Variants in PAK3 observed in about 807,000 individuals in gnomAD.
The protein encoded by PAK3 is serine/threonine-protein kinase PAK 3.
PAK3 carries 4 observed loss-of-function variants against 41.0 expected under a neutral mutation model. The observed-to-expected ratio is 0.10, with a 90% CI of 0.05 to 0.22. The LOEUF (loss-of-function observed/expected upper bound fraction) is 0.22. PAK3 is among the 10% of genes least tolerant of loss of function. The pLI is 1.00. For synonymous variants in PAK3, 146 were observed against 139.6 expected, an observed-to-expected ratio of 1.05 and a Z score of -0.32; for missense variants, 205 against 409.9, an observed-to-expected ratio of 0.50 and a Z score of 4.32.
intron 5 of PAK3, among the ~76,000 whole-genome samples, chrX:111,127,621 C>T (rs923017348): frequency 7.2e-5 from 8 of 110,864 alleles, no homozygotes; most frequent in Admixed American, 1.9e-4. Context: ...GACATCCTAA[C>T]CATATGGGTT....
chrX:110,977,865 C>T (rs1336410301), intron 1 of PAK3, among the ~76,000 whole-genome samples: 1 of 112,020 alleles, frequency 8.9e-6, no homozygotes, highest in African/African-American at 3.2e-5. Flanking sequence ...TAAATTCTTT[C>T]TTTCCAATCA....
intron 4 of PAK3, among the ~76,000 whole-genome samples, chrX:111,106,991 G>A (rs771577118): frequency 8.9e-6 from 1 of 112,167 alleles, no homozygotes; most frequent in African/African-American, 3.2e-5. Flanking sequence ...AGCCAGTCCT[G>A]TCCAACACAG....
chrX:111,129,433 G>A (rs954426624), intron 5 of PAK3, among the ~76,000 whole-genome samples: 2 of 111,374 alleles, frequency 1.8e-5, no homozygotes, highest in African/African-American at 6.5e-5. Context: ...TCACTGCCCT[G>A]CCCTTTTGGA....
At chrX:111,138,465 G>A (rs935907899) in intron 5 of PAK3, among the ~76,000 whole-genome samples, 1 of 111,601 alleles carries the variant, frequency 9.0e-6, no homozygotes, top group Admixed American at 9.5e-5. Flanking sequence ...ACACTGAGTA[G>A]TTCTATGGGA....
chrX:110,982,820 A>G (rs1360054070), intron 1 of PAK3, among the ~76,000 whole-genome samples: 4 of 111,022 alleles, frequency 3.6e-5, no homozygotes, highest in Non-Finnish European at 7.5e-5. Flanking sequence ...CCAAAGACTC[A>G]TCTAGATCAT....
chrX:111,029,844 C>T (rs1026950139), intron 1 of PAK3, among the ~76,000 whole-genome samples: 3 of 112,005 alleles, frequency 2.7e-5, no homozygotes, highest in Non-Finnish European at 3.8e-5. Flanking sequence ...CAACAAGGAT[C>T]ACTTTTTACT....
intron 1 of PAK3, among the ~76,000 whole-genome samples, chrX:111,017,960 A>T (rs2092115930): frequency 8.9e-6 from 1 of 111,971 alleles, no homozygotes; most frequent in Admixed American, 9.5e-5. Flanking sequence ...TATACACCAC[A>T]TTAACAGCAT....
intron 1 of PAK3, among the ~76,000 whole-genome samples, chrX:111,026,700 G>C (rs1228891795): frequency 1.8e-5 from 2 of 111,883 alleles, no homozygotes; most frequent in African/African-American, 6.5e-5. Flanking sequence ...CTCATGGATA[G>C]GTAGAGTCAG....
intron 8 of PAK3, among the ~76,000 whole-genome samples, chrX:111,155,576 A>G (rs1375318695): frequency 9.0e-6 from 1 of 110,589 alleles, no homozygotes; most frequent in Non-Finnish European, 1.9e-5. Flanking sequence ...GAGATTTCAG[A>G]GAAAGTAGAT....
At chrX:111,015,262 T>C (rs971710213) in intron 1 of PAK3, among the ~76,000 whole-genome samples, 1 of 110,924 alleles carries the variant, frequency 9.0e-6, no homozygotes, top group Middle Eastern at 4.8e-3. Flanking sequence ...ATCCATGTTG[T>C]AGCATGTGAC....
chrX:111,158,388 G>T (rs1428863648), intron 8 of PAK3, among the ~76,000 whole-genome samples: 2 of 112,033 alleles, frequency 1.8e-5, no homozygotes, highest in African/African-American at 3.2e-5. Context: ...GAACATTAAA[G>T]TATGTCTGTC....
rs768688720 is a variant in PAK3 at position 111,142,157 on chromosome X, G to A, written c.237G>A (p.Thr79=). Residue 79 remains threonine, a synonymous_variant, in exon 6 of 18, where the codon ACG becomes ACA. Transcript: ENST00000372007. Reference sequence around the variant, plus strand: ...CTCTTCCTTCAGACTTTGAGCATACGATTCATGTGGGGTTTGATGCAGTCA... The same window carrying A: ...CTCTTCCTTCAGACTTTGAGCATACAATTCATGTGGGGTTTGATGCAGTCA... ...EISLPSDFEH[T]IHVGFDAVTG... 5 of 1,185,836 alleles carry A rather than the reference G, an allele frequency of 4.2e-6. No individual in the cohort carries two copies. The highest frequency in any genetic ancestry group is 2.2e-5 in the Admixed American group (1 of 46,001).
intron 5 of PAK3, among the ~76,000 whole-genome samples, chrX:111,126,806 T>G (rs776653893): frequency 8.9e-6 from 1 of 111,814 alleles, no homozygotes; most frequent in Admixed American, 9.5e-5. Context: ...TTTTACTTTT[T>G]AAAGTAACTT....
intron 1 of PAK3, among the ~76,000 whole-genome samples, chrX:111,088,427 C>T (rs970673363): frequency 8.9e-6 from 1 of 111,781 alleles, no homozygotes; most frequent in Non-Finnish European, 1.9e-5. Context: ...GGCTTTTGTC[C>T]TTGTATCCAG....
intron 1 of PAK3, among the ~76,000 whole-genome samples, chrX:111,035,713 G>C (rs2092393623): frequency 1.8e-5 from 2 of 112,239 alleles, no homozygotes; most frequent in Non-Finnish European, 3.8e-5. Flanking sequence ...CTCTGTGTTG[G>C]CACCATGTTA....
chrX:111,120,962 C>T, intron 4 of PAK3, among the ~76,000 whole-genome samples: 1 of 111,827 alleles, frequency 8.9e-6, no homozygotes, highest in Non-Finnish European at 1.9e-5. Context: ...CTGGTGAAGT[C>T]AGTCTTAAAT....
intron 1 of PAK3, among the ~76,000 whole-genome samples, chrX:111,080,315 C>T (rs1376380565): frequency 8.9e-6 from 1 of 111,776 alleles, no homozygotes; most frequent in Non-Finnish European, 1.9e-5. Flanking sequence ...ACAGCAACCA[C>T]CACCCTGATC....
chrX:111,060,107 C>T (rs1203414979), intron 1 of PAK3, among the ~76,000 whole-genome samples: 1 of 111,313 alleles, frequency 9.0e-6, no homozygotes, highest in Non-Finnish European at 1.9e-5. Flanking sequence ...ACTTTCCTTC[C>T]CTCTCTTGTT....
chrX:111,029,388 A>G (rs181780872), intron 1 of PAK3, among the ~76,000 whole-genome samples: 24 of 111,393 alleles, frequency 2.2e-4, no homozygotes, highest in Admixed American at 1.8e-3. Flanking sequence ...CAGTCCCCCA[A>G]AACTTAACTA....
Sources: allele counts gnomAD v4.1 joint callset (sites outside exome capture counted in the v4.1 genomes callset), GRCh38; gene constraint gnomAD v4.1.1; transcripts MANE v1.5; gene names NCBI Gene and HGNC (gene_info 2026-07-23, HGNC 2026-07-21).